OSBP2: variants seen among roughly 807,000 people sequenced by gnomAD.
OSBP2 encodes the protein oxysterol binding protein 2, also known as oxysterol-binding protein 2.
OSBP2 carries 66 observed loss-of-function variants against 96.0 expected under a neutral mutation model. That is an observed-to-expected ratio of 0.69 (90% confidence interval 0.56 to 0.84). The LOEUF (loss-of-function observed/expected upper bound fraction) is 0.84, where lower values mean the gene tolerates loss of function less well. Among genes scored for constraint, OSBP2 ranks in the 40% least tolerant of loss-of-function variants. The probability of loss-of-function intolerance (pLI) is 0.00; values close to 1 mark genes in which losing one functional copy is unlikely to be tolerated. For synonymous variants in OSBP2, 525 were observed against 520.9 expected (o/e 1.01, Z -0.11); for missense variants, 1,038 against 1,222.7 (o/e 0.85, Z 2.25).
intron 12 of OSBP2, among the ~76,000 whole-genome samples, chr22:30,901,747 C>G (rs1266441011): frequency 6.6e-6 from 1 of 152,110 alleles, no homozygotes; most frequent in Non-Finnish European, 1.5e-5. Flanking sequence ...CACCTGTAAT[C>G]CCAGCTACTC....
chr22:30,823,035 C>T (rs1031423789), intron 2 of OSBP2, among the ~76,000 whole-genome samples: 2 of 152,148 alleles, frequency 1.3e-5, no homozygotes, highest in African/African-American at 2.4e-5. Flanking sequence ...TTTATCCACC[C>T]ATCTACCTCT....
At chr22:30,694,446 C>T (rs2088981660), upstream of OSBP2, 2 of 1,381,410 alleles carry the variant, frequency 1.4e-6, no homozygotes, top group Admixed American at 2.9e-5. Flanking sequence ...GCTTCCCACC[C>T]GGCTTTCCTG....
chr22:30,892,023 G>A (rs574941777), intron 8 of OSBP2, among the ~76,000 whole-genome samples: 13 of 152,100 alleles, frequency 8.5e-5, no homozygotes, highest in South Asian at 2.1e-4. Context: ...GCTGGAGGGC[G>A]GTGCACCCCG....
intron 1 of OSBP2, among the ~76,000 whole-genome samples, chr22:30,717,090 TTGTGTGTGTGTGTGTGTG>T (rs35377469): frequency 3.4e-5 from 4 of 118,414 alleles, no homozygotes; most frequent in African/African-American, 9.5e-5. Context: ...TTTACTGTTT[TTGTGTGTGTGTGTGTGTG>T]TGTGTGTGTG....
At chr22:30,753,667 G>T (rs961470156) in intron 2 of OSBP2, among the ~76,000 whole-genome samples, 1 of 152,182 alleles carries the variant, frequency 6.6e-6, no homozygotes, top group Non-Finnish European at 1.5e-5. Flanking sequence ...ACCACAGAGC[G>T]GGATGATGTG....
chr22:30,770,413 G>T (rs967955540), intron 2 of OSBP2, among the ~76,000 whole-genome samples: 3 of 152,042 alleles, frequency 2.0e-5, no homozygotes, highest in African/African-American at 7.2e-5. Context: ...CCATGATTGT[G>T]AGGCCTCCAC....
chr22:30,762,497 G>A (rs542261476), intron 2 of OSBP2, among the ~76,000 whole-genome samples: 128 of 147,500 alleles, frequency 8.7e-4, no homozygotes, highest in African/African-American at 3.0e-3. Context: ...AGCTGAGATT[G>A]CACCACTGCA....
In OSBP2 at chr22:30,905,969, G is replaced by A. The variant is rs764185295; in HGVS notation, c.2508G>A (p.Glu836=). Residue 836 remains glutamate, a synonymous_variant, in exon 13 of 14, where the codon GAG becomes GAA. Transcript: ENST00000332585. The part of the protein sequence containing the change: ...QRLMEKGRWD[E]ANTEKQRLEE... ...TGATGGAGAAGGGCCGTTGGGACGA[G>A]GCCAATACCGAGAAGCAGCGGCTGG... 54 of 1,608,762 alleles carry A rather than the reference G, an allele frequency of 3.4e-5. No individual in the cohort carries two copies. The highest frequency in any genetic ancestry group is 4.5e-5 in the Non-Finnish European group (53 of 1,178,092).
intron 2 of OSBP2, among the ~76,000 whole-genome samples, chr22:30,831,439 C>T (rs549573576): frequency 9.9e-5 from 15 of 152,210 alleles, no homozygotes; most frequent in Admixed American, 3.9e-4. Flanking sequence ...TTATGTTGTA[C>T]GTGGCTGGAA....
chr22:30,749,461 G>T (rs969347590), intron 2 of OSBP2, among the ~76,000 whole-genome samples: 1 of 152,114 alleles, frequency 6.6e-6, no homozygotes, highest in Non-Finnish European at 1.5e-5. Flanking sequence ...GAGTCACTCT[G>T]GTTAGGATGC....
At chr22:30,753,251 T>TG (rs1337719137) in intron 2 of OSBP2, among the ~76,000 whole-genome samples, 10 of 151,342 alleles carry the variant, frequency 6.6e-5, no homozygotes, top group South Asian at 2.1e-4. Flanking sequence ...TGGCTGGAGG[T>TG]GGGGTGTGGG....
rs1416923057 is a variant in OSBP2 at position 30,870,180 on chromosome 22, A to G, written c.854-249A>G. On this transcript the variant is annotated intron_variant, in intron 2 of 13. Transcript: ENST00000332585. This position sits in a 1 kb window ranked among gnomAD's most constrained non-coding sequence, Gnocchi z 4.1. ...TCCAAAGCCCAGTCCCGGCCCTGCC[A>G]TTCAATCTGGGCTCTCTTTACAGTC... is the stretch of plus-strand genomic sequence containing the variant. 1.3e-5 allele frequency among the ~76,000 whole-genome samples: 2 copies of G among 152,132 alleles called. No homozygotes were observed. The highest frequency in any genetic ancestry group is 2.4e-5 in the African/African-American group (1 of 41,434).
intron 2 of OSBP2, among the ~76,000 whole-genome samples, chr22:30,861,135 CG>C (rs1569154447): frequency 1.3e-5 from 2 of 152,086 alleles, no homozygotes; most frequent in Non-Finnish European, 2.9e-5. Flanking sequence ...TCTCTCTAGC[CG>C]GCCCGGGGGT....
chr22:30,843,444 T>TTC (rs1555919385), intron 2 of OSBP2, among the ~76,000 whole-genome samples: 2 of 120,620 alleles, frequency 1.7e-5, no homozygotes, highest in African/African-American at 3.9e-5. Flanking sequence ...CAGGAATCTT[T>TTC]CCCCCCTCCC....
At chr22:30,822,772 G>A in intron 2 of OSBP2, 3 of 1,392,300 alleles carry the variant, frequency 2.2e-6, no homozygotes, top group Non-Finnish European at 2.9e-6. Context: ...CACGCCCGGT[G>A]CCTGGCTTTG....
At chr22:30,694,870 C>A (rs1366185222), upstream of OSBP2, 5 of 994,728 alleles carry the variant, frequency 5.0e-6, no homozygotes, top group East Asian at 1.8e-4. Context: ...TGCCCCCCGC[C>A]CCCACTGGCC....
chr22:30,783,838 A>G (rs1465033896), intron 2 of OSBP2, among the ~76,000 whole-genome samples: 1 of 152,128 alleles, frequency 6.6e-6, no homozygotes, highest in East Asian at 1.9e-4. Flanking sequence ...TTGCCCCTTG[A>G]CCCTGGAAGC....
intron 2 of OSBP2, among the ~76,000 whole-genome samples, chr22:30,742,102 G>T (rs996596239): frequency 6.6e-6 from 1 of 151,752 alleles, no homozygotes; most frequent in African/African-American, 2.4e-5. Context: ...TTACAGGCAT[G>T]AGCCACCGCG....
At chr22:30,874,413 AAAAAAAG>A (rs1270828747) in intron 3 of OSBP2, among the ~76,000 whole-genome samples, 1 of 152,206 alleles carries the variant, frequency 6.6e-6, no homozygotes, top group Non-Finnish European at 1.5e-5. Context: ...TCTGTCTCAA[AAAAAAAG>A]AAAAAAGAAA....
Sources: gnomAD v4.1 joint callset for allele counts (sites outside exome capture counted in the v4.1 genomes callset) on GRCh38, gnomAD v4.1.1 for gene constraint, Gnocchi (gnomAD v3.1) non-coding constraint, MANE v1.5 for transcripts, NCBI Gene and HGNC (gene_info 2026-07-23, HGNC 2026-07-21) for gene names.